Variants in CDK5RAP2 observed in about 807,000 individuals in gnomAD.
CDK5RAP2 encodes the protein CDK5 regulatory subunit associated protein 2.
Under a neutral mutation model 232.9 loss-of-function variants are expected in CDK5RAP2, and 147 were observed. That is an observed-to-expected ratio of 0.63 (90% CI 0.55 to 0.72). The LOEUF is 0.72. Ranked by LOEUF, CDK5RAP2 falls within the 30% of genes least tolerant of loss-of-function variation. CDK5RAP2 has a pLI of 0.00. For synonymous variants in CDK5RAP2, 833 were observed against 833.7 expected (o/e 1.00, Z 0.01); for missense variants, 2,195 against 2,231.5 (o/e 0.98, Z 0.33).
chr9:120,518,165 CTG>C lies in CDK5RAP2; in HGVS notation c.1311+260_1311+261del, dbSNP rs56032707. Among the ~76,000 whole-genome samples, 1,013 of 111,202 alleles carry C rather than the reference CTG, an allele frequency of 9.1e-3. 5 individuals carry two copies. Among genetic ancestry groups the C allele is most frequent in the Non-Finnish European group, 0.011 (617 of 55,354 alleles). The allele number at this position is 111,202 out of a possible 152,430, so 73.0% of individuals were successfully genotyped here. ...CTGTATTTTCAACTCGATAACAACTCTGTGTGTGTGTGTGTGTGTGTGTGTGT... is the reference window on the plus strand; with the variant it reads ...CTGTATTTTCAACTCGATAACAACTCTGTGTGTGTGTGTGTGTGTGTGTGT... On this transcript the variant is annotated intron_variant, in intron 12 of 37. Transcript: ENST00000349780.
At chr9:120,506,402 G>C (rs1401394879) in intron 12 of CDK5RAP2, among the ~76,000 whole-genome samples, 2 of 152,210 alleles carry the variant, frequency 1.3e-5, no homozygotes, top group African/African-American at 4.8e-5. Flanking sequence ...GAAGATGAAT[G>C]TTGTTTTCAT....
At chr9:120,437,170 T>C in intron 25 of CDK5RAP2, 125 bp downstream of exon 25, 1 of 740,696 alleles carries the variant, frequency 1.4e-6, no homozygotes, top group Non-Finnish European at 2.4e-6. Flanking sequence ...GGTTCTGCTG[T>C]CACCTCATCA....
intron 14 of CDK5RAP2, among the ~76,000 whole-genome samples, chr9:120,482,629 C>T (rs990494200): frequency 6.6e-6 from 1 of 152,224 alleles, no homozygotes; most frequent in Non-Finnish European, 1.5e-5. Context: ...GGCGTGTCAG[C>T]CACCTGTTTA....
intron 25 of CDK5RAP2, among the ~76,000 whole-genome samples, chr9:120,431,842 C>T (rs2035302304): frequency 6.6e-6 from 1 of 152,202 alleles, no homozygotes; most frequent in African/African-American, 2.4e-5. Flanking sequence ...TCTTGGGAGG[C>T]ACCAAGAACA....
In CDK5RAP2 at chr9:120,419,878, C is replaced by A. The variant is rs1372967309; in HGVS notation, c.4087G>T (p.Glu1363Ter). 6.2e-7 allele frequency: 1 copy of A among 1,613,738 alleles called. No individual in the cohort carries two copies. Among genetic ancestry groups the A allele is most frequent in the Non-Finnish European group, 8.5e-7 (1 of 1,179,718 alleles). Reference protein sequence around the residue: ...PSASHALSDYETSEKSFFSRD... With the variant: ...PSASHALSDY ...GAGAAGAAGGACTTTTCAGATGTTT[C>A]ATAATCAGAGAGCGCATGAGAGGCT... Residue 1363 changes from glutamate (E) to a stop codon, truncating the protein, a stop_gained, in exon 27 of 38, where the codon GAA (glutamate) becomes TAA (stop). Coordinates refer to ENST00000349780, the MANE Select transcript of CDK5RAP2 (RefSeq NM_018249.6). LOFTEE classifies it high-confidence loss of function.
At position 120,467,855 on chromosome 9, in the gene CDK5RAP2, C is replaced by T; in HGVS notation, c.2106+5G>A. ...TCAGCACATGACAACAAAAATGTTTCTTACCTCTGTTTGTTCTGTAGACGC... is the reference window on the plus strand; with the variant it reads ...TCAGCACATGACAACAAAAATGTTTTTTACCTCTGTTTGTTCTGTAGACGC... On this transcript the variant is annotated splice_donor_5th_base_variant and intron_variant, in intron 18 of 37. Coordinates refer to ENST00000349780, the MANE Select transcript of CDK5RAP2 (RefSeq NM_018249.6). 6.2e-7 allele frequency: 1 copy of T among 1,614,046 alleles called. No homozygotes were observed. The highest frequency in any genetic ancestry group is 8.5e-7 in the Non-Finnish European group (1 of 1,179,950).
chr9:120,392,567 T>A (rs540056945), intron 36 of CDK5RAP2, among the ~76,000 whole-genome samples: 2 of 152,302 alleles, frequency 1.3e-5, no homozygotes, highest in South Asian at 4.1e-4. Context: ...GAGATGCCAA[T>A]GCAGAGAGTT....
chr9:120,422,183 G>C (rs2034604115), intron 26 of CDK5RAP2, among the ~76,000 whole-genome samples: 1 of 152,228 alleles, frequency 6.6e-6, no homozygotes, highest in African/African-American at 2.4e-5. Flanking sequence ...GTATTGGGGA[G>C]AACCAGGTTC....
At chr9:120,444,935 A>G (rs1338232370) in intron 22 of CDK5RAP2, among the ~76,000 whole-genome samples, 1 of 152,160 alleles carries the variant, frequency 6.6e-6, no homozygotes, top group South Asian at 2.1e-4. Flanking sequence ...GTATAGCAAG[A>G]CTCAGTAAAT....
chr9:120,500,605 T>C (rs2039528983), intron 12 of CDK5RAP2, among the ~76,000 whole-genome samples: 3 of 152,236 alleles, frequency 2.0e-5, no homozygotes, highest in Admixed American at 1.3e-4. Flanking sequence ...GTGCAAATTG[T>C]CCTTGTGGGC....
At chr9:120,518,988 A>G (rs2040493861) in intron 11 of CDK5RAP2, among the ~76,000 whole-genome samples, 1 of 152,084 alleles carries the variant, frequency 6.6e-6, no homozygotes, top group Non-Finnish European at 1.5e-5. Context: ...TAGCCTGGCC[A>G]ACACGGTGAA....
At chr9:120,448,974 G>A (rs900432728) in intron 21 of CDK5RAP2, among the ~76,000 whole-genome samples, 2 of 152,080 alleles carry the variant, frequency 1.3e-5, no homozygotes, top group East Asian at 3.9e-4. Context: ...CACTGTCCAC[G>A]CTACAGCAAA....
At chr9:120,531,909 A>G (rs1344516625) in intron 7 of CDK5RAP2, among the ~76,000 whole-genome samples, 1 of 152,236 alleles carries the variant, frequency 6.6e-6, no homozygotes, top group East Asian at 1.9e-4. Flanking sequence ...CAACTTTGAA[A>G]TCGTCACATA....
At chr9:120,477,527 T>A in intron 14 of CDK5RAP2, 77 bp from the exon 15 acceptor site, 1 of 1,107,236 alleles carries the variant, frequency 9.0e-7, no homozygotes, top group Non-Finnish European at 1.4e-6. Flanking sequence ...CAAACATATG[T>A]AGCTAGTCCC....
In CDK5RAP2 at chr9:120,568,311, T is replaced by C; in HGVS notation, c.195+10A>G. 1 of 1,604,586 alleles carries C rather than the reference T, an allele frequency of 6.2e-7. No homozygotes were observed. The highest frequency in any genetic ancestry group is 8.5e-7 in the Non-Finnish European group (1 of 1,171,236). On this transcript the variant is annotated intron_variant, in intron 3 of 37. Coordinates refer to ENST00000349780, the MANE Select transcript of CDK5RAP2 (RefSeq NM_018249.6). ...TTTGTTGGGGGCAGTAATTTGGTATTTCCACTTACATTTTCAAAGTCCTTC... is the reference window on the plus strand; with the variant it reads ...TTTGTTGGGGGCAGTAATTTGGTATCTCCACTTACATTTTCAAAGTCCTTC...
intron 1 of CDK5RAP2, among the ~76,000 whole-genome samples, chr9:120,578,569 C>CT (rs35890688): frequency 0.86 from 123,065 of 143,480 alleles, 53,191 homozygotes; most frequent in Non-Finnish European, 0.93. Flanking sequence ...TTTCACTTTC[C>CT]TTTTTTTTTT....
intron 23 of CDK5RAP2, 80 bp downstream of exon 23, chr9:120,443,540 G>T: frequency 6.8e-7 from 1 of 1,476,342 alleles, no homozygotes. Context: ...TATGGGCTTA[G>T]TAATAATTTT....
chr9:120,496,874 G>A (rs1472686522), intron 12 of CDK5RAP2, among the ~76,000 whole-genome samples: 1 of 141,598 alleles, frequency 7.1e-6, no homozygotes, highest in Non-Finnish European at 1.5e-5. Flanking sequence ...GAGGTGGGGA[G>A]CCCCTCTGCC....
At chr9:120,469,969 G>C (rs2037600102) in intron 17 of CDK5RAP2, 142 bp downstream of exon 17, 1 of 600,706 alleles carries the variant, frequency 1.7e-6, no homozygotes, top group Non-Finnish European at 3.0e-6. Flanking sequence ...ACGGACACAG[G>C]AGGGGCACAC....
Sources: gnomAD v4.1 joint callset for allele counts (sites outside exome capture counted in the v4.1 genomes callset) on GRCh38, gnomAD v4.1.1 for gene constraint, MANE v1.5 for transcripts, NCBI Gene and HGNC (gene_info 2026-07-23, HGNC 2026-07-21) for gene names.